The following PRELID2 variants were observed in gnomAD, a reference collection of about 807,000 sequenced individuals.
PRELID2 encodes PRELI domain-containing protein 2.
Under a neutral mutation model 28.4 loss-of-function variants are expected in PRELID2, and 25 were observed. That is an observed-to-expected ratio of 0.88 (90% CI 0.64 to 1.23). PRELID2 has a LOEUF of 1.23. Ranked by LOEUF, PRELID2 falls within the 50% of genes most tolerant of loss-of-function variation. The pLI is 0.00. For missense variants in PRELID2, 201 were observed against 214.4 expected (o/e 0.94, Z 0.39); for synonymous variants, 76 against 71.6 (o/e 1.06, Z -0.31).
the PRELID2 span, among the ~76,000 whole-genome samples, chr5:145,370,312 G>A: frequency 6.6e-6 from 1 of 151,854 alleles, no homozygotes. Context: ...CTAAGGAAGG[G>A]GTCTAGTTGT....
At chr5:145,815,837 CT>C (rs1401170732) in intron 4 of PRELID2, among the ~76,000 whole-genome samples, 2 of 152,120 alleles carry the variant, frequency 1.3e-5, no homozygotes, top group Non-Finnish European at 2.9e-5. Context: ...TTTCTACATT[CT>C]GGCTATTATA....
chr5:145,290,484 G>A, the PRELID2 span, among the ~76,000 whole-genome samples: 1 of 151,854 alleles, frequency 6.6e-6, no homozygotes, highest in Non-Finnish European at 1.5e-5. Flanking sequence ...ATTATTCTGA[G>A]CAAACTATCG....
chr5:145,549,860 G>A (rs761039449), intron 1 of PRELID2, among the ~76,000 whole-genome samples: 18 of 151,246 alleles, frequency 1.2e-4, no homozygotes, highest in Admixed American at 6.6e-4. Flanking sequence ...TATAAAACAC[G>A]TCACTCCTTA....
chr5:145,670,753 G>C (rs956481015), intron 1 of PRELID2, among the ~76,000 whole-genome samples: 2 of 152,124 alleles, frequency 1.3e-5, no homozygotes, highest in African/African-American at 4.8e-5. Flanking sequence ...ACTCTAAGGA[G>C]TTGGACTCAC....
the PRELID2 span, among the ~76,000 whole-genome samples, chr5:145,422,866 G>T: frequency 3.3e-5 from 5 of 151,840 alleles, no homozygotes; most frequent in African/African-American, 1.2e-4. Flanking sequence ...TTTTGCAGTG[G>T]CTGGTACCGG....
At chr5:145,402,468 A>T in the PRELID2 span, among the ~76,000 whole-genome samples, 1 of 152,170 alleles carries the variant, frequency 6.6e-6, no homozygotes, top group Admixed American at 6.5e-5. Flanking sequence ...CACATTATAG[A>T]TTTGGTTTGA....
chr5:145,682,805 G>A (rs899664044), intron 1 of PRELID2, among the ~76,000 whole-genome samples: 3 of 152,074 alleles, frequency 2.0e-5, no homozygotes, highest in East Asian at 1.9e-4. Context: ...AATGACCATC[G>A]AGGTTGATCA....
chr5:145,651,104 G>A (rs1225376642), intron 1 of PRELID2, among the ~76,000 whole-genome samples: 1 of 152,188 alleles, frequency 6.6e-6, no homozygotes, highest in Non-Finnish European at 1.5e-5. Flanking sequence ...CACACCAGGA[G>A]ATGATATCCC....
chr5:145,563,869 A>G (rs979052791), intron 1 of PRELID2, among the ~76,000 whole-genome samples: 2 of 152,210 alleles, frequency 1.3e-5, no homozygotes, highest in Non-Finnish European at 2.9e-5. Context: ...TGAGTGCTAC[A>G]GTTAATAATA....
chr5:145,265,332 T>C, the PRELID2 span, among the ~76,000 whole-genome samples: 1 of 152,030 alleles, frequency 6.6e-6, no homozygotes, highest in Non-Finnish European at 1.5e-5. Flanking sequence ...CACAAACAAA[T>C]ACAAACCCAT....
chr5:145,548,535 A>G (rs1752806309), intron 1 of PRELID2, among the ~76,000 whole-genome samples: 1 of 151,918 alleles, frequency 6.6e-6, no homozygotes, highest in East Asian at 1.9e-4. Context: ...ACCTACCTCA[A>G]CCTACTCATG....
intron 1 of PRELID2, among the ~76,000 whole-genome samples, chr5:145,657,957 C>T (rs1175899791): frequency 2.0e-5 from 3 of 152,190 alleles, no homozygotes; most frequent in Non-Finnish European, 4.4e-5. Flanking sequence ...CCATCTCATC[C>T]CATATTCTAC....
intron 1 of PRELID2, among the ~76,000 whole-genome samples, chr5:145,530,271 T>G (rs1448752501): frequency 6.6e-5 from 10 of 152,244 alleles, no homozygotes; most frequent in Non-Finnish European, 1.0e-4. Context: ...CATTGCCAGT[T>G]GATAGTGATT....
At chr5:145,517,294 A>C (rs963948532) in intron 1 of PRELID2, among the ~76,000 whole-genome samples, 2 of 152,182 alleles carry the variant, frequency 1.3e-5, no homozygotes, top group African/African-American at 4.8e-5. Context: ...TTTACGAGAA[A>C]AAAAAAATGA....
the PRELID2 span, among the ~76,000 whole-genome samples, chr5:145,406,686 T>A: frequency 6.6e-6 from 1 of 152,132 alleles, no homozygotes; most frequent in Non-Finnish European, 1.5e-5. Context: ...CCAAAAGAAT[T>A]CACAGATCCT....
chr5:145,538,021 G>A (rs1408563992), intron 1 of PRELID2, among the ~76,000 whole-genome samples: 5 of 151,850 alleles, frequency 3.3e-5, no homozygotes, highest in African/African-American at 1.2e-4. Flanking sequence ...TGTATATGGT[G>A]AGATGTAACC....
intron 6 of PRELID2, among the ~76,000 whole-genome samples, chr5:145,762,490 T>C (rs112024144): frequency 0.011 from 1,632 of 151,862 alleles, 31 homozygotes; most frequent in African/African-American, 0.038. Context: ...TGAGCCGTGA[T>C]TGCGCTACTG....
At chr5:145,427,509 T>C in the PRELID2 span, among the ~76,000 whole-genome samples, 1 of 152,166 alleles carries the variant, frequency 6.6e-6, no homozygotes, top group Admixed American at 6.5e-5. Context: ...GCAGAATCAG[T>C]GATCAGAGCA....
chr5:145,358,349 A>C, the PRELID2 span, among the ~76,000 whole-genome samples: 1 of 151,916 alleles, frequency 6.6e-6, no homozygotes, highest in Non-Finnish European at 1.5e-5. Context: ...ATTCAAGCAG[A>C]AGTAGGACCT....
Sources: gnomAD v4.1 joint callset for allele counts (sites outside exome capture counted in the v4.1 genomes callset) on GRCh38, gnomAD v4.1.1 for gene constraint, MANE v1.5 for transcripts, NCBI Gene and HGNC (gene_info 2026-07-23, HGNC 2026-07-21) for gene names.